Variants in CDH18 observed in about 807,000 individuals in gnomAD.
The protein encoded by CDH18 is cadherin 18.
Under a neutral mutation model 67.9 loss-of-function variants are expected in CDH18, and 31 were observed. The ratio of observed to expected loss-of-function variants is 0.46; its 90% CI spans 0.34 to 0.62. The LOEUF (loss-of-function observed/expected upper bound fraction) is 0.62, where lower values mean the gene tolerates loss of function less well. CDH18 is among the 20% of genes least tolerant of loss of function. The pLI, the probability that CDH18 is intolerant of heterozygous loss-of-function variation, is 0.01. For synonymous variants in CDH18, 362 were observed against 347.2 expected, an observed-to-expected ratio of 1.04 and a Z score of -0.48; for missense variants, 890 against 975.5, an observed-to-expected ratio of 0.91 and a Z score of 1.17.
At chr5:20,204,056 G>A (rs1023304309) in intron 2 of CDH18, among the ~76,000 whole-genome samples, 1 of 152,042 alleles carries the variant, frequency 6.6e-6, no homozygotes, top group Non-Finnish European at 1.5e-5. Flanking sequence ...ACAGGCAACT[G>A]AGCAATAGTG....
intron 1 of CDH18, among the ~76,000 whole-genome samples, chr5:20,385,694 C>T (rs577761458): frequency 6.6e-6 from 1 of 152,086 alleles, no homozygotes; most frequent in African/African-American, 2.4e-5. Context: ...GAAAAGAATG[C>T]TTTTTGATTT....
intron 2 of CDH18, among the ~76,000 whole-genome samples, chr5:20,035,003 C>T (rs770483060): frequency 6.6e-6 from 1 of 152,032 alleles, no homozygotes; most frequent in Non-Finnish European, 1.5e-5. Flanking sequence ...GTTGCTTTCA[C>T]ATAAAACCTT....
Position 19,854,951 on chromosome 5 carries a change from T to A in CDH18, c.-256-15709A>T, listed in dbSNP as rs56211054. ...CTCCATGAGTTCAGTTTTGTTTTTT[T>A]TTTTCTAGTTCCCTAAATAAATGAG... On this transcript the variant is annotated intron_variant, in intron 2 of 12. Coordinates refer to ENST00000382275, the MANE Select transcript of CDH18 (RefSeq NM_004934.5). 4.0e-3 allele frequency among the ~76,000 whole-genome samples: 606 copies of A among 151,642 alleles called. 5 individuals carry two copies. The highest frequency in any genetic ancestry group is 0.014 in the African/African-American group (563 of 41,384).
chr5:20,468,488 C>T (rs1025192324), intron 1 of CDH18, among the ~76,000 whole-genome samples: 4 of 152,140 alleles, frequency 2.6e-5, no homozygotes, highest in Non-Finnish European at 5.9e-5. Flanking sequence ...ATATGCTCCT[C>T]CATCCTCTTG....
At chr5:20,182,822 G>A (rs1156963283) in intron 2 of CDH18, among the ~76,000 whole-genome samples, 3 of 150,132 alleles carry the variant, frequency 2.0e-5, no homozygotes, top group Admixed American at 6.6e-5. Flanking sequence ...ATAGAATTGC[G>A]AGGGAAAAAA....
chr5:20,358,857 T>A (rs1741844340), intron 1 of CDH18, among the ~76,000 whole-genome samples: 1 of 151,710 alleles, frequency 6.6e-6, no homozygotes, highest in African/African-American at 2.4e-5. Flanking sequence ...TATGTACATA[T>A]AAAAATATTC....
intron 1 of CDH18, among the ~76,000 whole-genome samples, chr5:20,514,028 C>T (rs1020733845): frequency 3.9e-5 from 6 of 152,048 alleles, no homozygotes; most frequent in African/African-American, 1.2e-4. Flanking sequence ...ATTGCACTTT[C>T]GCAAATGTTA....
chr5:19,828,512 C>CCAG (rs1469109273), intron 3 of CDH18, among the ~76,000 whole-genome samples: 3 of 152,140 alleles, frequency 2.0e-5, no homozygotes, highest in Non-Finnish European at 4.4e-5. Context: ...CAAACCAAAT[C>CCAG]CAGCAGCACA....
At chr5:20,112,563 C>T (rs989734324) in intron 2 of CDH18, among the ~76,000 whole-genome samples, 4 of 151,746 alleles carry the variant, frequency 2.6e-5, no homozygotes, top group South Asian at 2.1e-4. Context: ...CTTGGGAGGC[C>T]GAGGCAGGAG....
intron 3 of CDH18, among the ~76,000 whole-genome samples, chr5:19,807,690 A>T (rs1185562867): frequency 6.6e-6 from 1 of 152,176 alleles, no homozygotes; most frequent in East Asian, 1.9e-4. Flanking sequence ...ATTCCCAATG[A>T]CCACACAAAA....
In CDH18 at chr5:19,488,375, A is replaced by G. The variant is rs537682351; in HGVS notation, c.1631-4823T>C. Among the ~76,000 whole-genome samples, 6 of 152,320 alleles carry G rather than the reference A, an allele frequency of 3.9e-5. No individual in the cohort carries two copies. In the South Asian group the frequency reaches 1.2e-3, roughly 32 times the overall value. ...CAAAGATATATTTTATTTCAAGCAT[A>G]GCCTGCCAGACCATTAAAGTAATAT... On this transcript the variant is annotated intron_variant, in intron 11 of 12. Coordinates refer to ENST00000382275, the MANE Select transcript of CDH18 (RefSeq NM_004934.5).
rs576569551 is a variant in CDH18, at chr5:20,406,350, G to A, written c.-579-150845C>T. ...TCGCAAAGACAAAAAACCAAACACC[G>A]CATGTTCTCACTCATAGGTGGGAAT... On this transcript the variant is annotated intron_variant, in intron 1 of 14. Coordinates refer to the CDH18 transcript ENST00000507958. Among the ~76,000 whole-genome samples the A allele has an allele frequency of 5.7e-4, 87 of 151,716 alleles. 1 individual carries two copies. In the South Asian group the frequency reaches 0.016, roughly 28 times the overall value.
intron 4 of CDH18, among the ~76,000 whole-genome samples, chr5:19,732,277 CAA>C (rs937310517): frequency 6.9e-6 from 1 of 145,104 alleles, no homozygotes; most frequent in African/African-American, 2.5e-5. Context: ...CTAGTTTCTA[CAA>C]AAAAAAAAGT....
intron 11 of CDH18, among the ~76,000 whole-genome samples, chr5:19,501,872 TAA>T (rs1743310524): frequency 6.6e-6 from 1 of 152,202 alleles, no homozygotes; most frequent in South Asian, 2.1e-4. Flanking sequence ...ATTTGAATTA[TAA>T]GACAGCCTGT....
At chr5:20,291,209 T>C (rs1459651702) in intron 1 of CDH18, among the ~76,000 whole-genome samples, 2 of 152,124 alleles carry the variant, frequency 1.3e-5, no homozygotes, top group African/African-American at 2.4e-5. Flanking sequence ...GAGTTTTTAA[T>C]TGAGTATAAA....
chr5:19,491,287 G>C (rs932863802), intron 11 of CDH18, among the ~76,000 whole-genome samples: 1 of 152,092 alleles, frequency 6.6e-6, no homozygotes, highest in African/African-American at 2.4e-5. Flanking sequence ...AACTTAGGGT[G>C]GATTATATGT....
At chr5:20,120,595 A>C (rs752514483) in intron 2 of CDH18, among the ~76,000 whole-genome samples, 1 of 152,166 alleles carries the variant, frequency 6.6e-6, no homozygotes, top group African/African-American at 2.4e-5. Context: ...TAGATTTAAG[A>C]ATATTTAAGA....
rs1169101634 is a variant in CDH18 at position 19,971,365 on chromosome 5, C to T, written c.-257+9695G>A. ...TGAATTCACATACATCACTTATAAA[C>T]CTAATCAGCAAAAAAAGTTCAATGC... On this transcript the variant is annotated intron_variant, in intron 2 of 12. Transcript: ENST00000382275. 2.6e-5 allele frequency among the ~76,000 whole-genome samples: 4 copies of T among 151,838 alleles called. No homozygotes were observed. The East Asian group carries it at 5.8e-4, about 22-fold the overall frequency.
At chr5:19,842,646 C>T (rs540944790) in intron 2 of CDH18, among the ~76,000 whole-genome samples, 69 of 152,162 alleles carry the variant, frequency 4.5e-4, no homozygotes, top group African/African-American at 1.4e-3. Flanking sequence ...GAGTGGGGTG[C>T]TGTTATAAAG....
Sources: gnomAD v4.1 joint callset for allele counts (sites outside exome capture counted in the v4.1 genomes callset) on GRCh38, gnomAD v4.1.1 for gene constraint, MANE v1.5 for transcripts, NCBI Gene and HGNC (gene_info 2026-07-23, HGNC 2026-07-21) for gene names.